Variants in VAMP4 observed in about 807,000 individuals in gnomAD.
VAMP4 encodes the protein vesicle-associated membrane protein 4.
Under a neutral mutation model 23.5 loss-of-function variants are expected in VAMP4, and 19 were observed. The ratio of observed to expected loss-of-function variants is 0.81; its 90% CI spans 0.56 to 1.19. VAMP4 has a LOEUF of 1.19. Ranked by LOEUF, VAMP4 falls within the 50% of genes most tolerant of loss-of-function variation. VAMP4 has a pLI of 0.00. For synonymous variants in VAMP4, 31 were observed against 51.0 expected (o/e 0.61, Z 1.67); for missense variants, 145 against 168.6 (o/e 0.86, Z 0.78).
At chr1:171,724,908 A>G (rs1367943649) in intron 3 of VAMP4, among the ~76,000 whole-genome samples, 7 of 152,210 alleles carry the variant, frequency 4.6e-5, no homozygotes, top group Non-Finnish European at 1.0e-4. Flanking sequence ...CCACACATAT[A>G]TAGTCAATAA....
intron 4 of VAMP4, among the ~76,000 whole-genome samples, chr1:171,713,971 T>C (rs1654945445): frequency 6.6e-6 from 1 of 152,202 alleles, no homozygotes; most frequent in African/African-American, 2.4e-5. Context: ...ACACATGTAA[T>C]AAATCACTAT....
intron 3 of VAMP4, among the ~76,000 whole-genome samples, chr1:171,721,923 C>G (rs1037671111): frequency 6.6e-6 from 1 of 152,048 alleles, no homozygotes; most frequent in African/African-American, 2.4e-5. Context: ...TCATATGGAA[C>G]CAAAAAAGAG....
At chr1:171,709,831 TTC>T in intron 5 of VAMP4, 87 bp from the exon 6 acceptor site, 1 of 1,091,968 alleles carries the variant, frequency 9.2e-7, no homozygotes, top group Admixed American at 1.8e-5. Flanking sequence ...AAATATTAAT[TTC>T]TACTTCTGCA....
intron 2 of VAMP4, among the ~76,000 whole-genome samples, chr1:171,733,180 G>A (rs577746055): frequency 9.9e-5 from 15 of 151,422 alleles, no homozygotes; most frequent in Admixed American, 6.6e-4. Context: ...GTTTATGGCC[G>A]GGCATGGTGG....
chr1:171,736,963 C>T (rs1210796454), intron 2 of VAMP4, among the ~76,000 whole-genome samples: 2 of 152,038 alleles, frequency 1.3e-5, no homozygotes, highest in Non-Finnish European at 2.9e-5. Flanking sequence ...AATGACAGAG[C>T]GAGACCCTGG....
At chr1:171,738,517 G>A (rs759140097) in intron 1 of VAMP4, 54 bp from the exon 2 acceptor site, 27 of 1,186,474 alleles carry the variant, frequency 2.3e-5, no homozygotes, top group Non-Finnish European at 3.2e-5. Flanking sequence ...ATAAGCTAAT[G>A]TACTTAAAAC....
chr1:171,705,923 A>G (rs1654634070), intron 7 of VAMP4, among the ~76,000 whole-genome samples: 1 of 152,156 alleles, frequency 6.6e-6, no homozygotes, highest in Non-Finnish European at 1.5e-5. Flanking sequence ...ACAAAAAAAA[A>G]TCATCTGGAG....
chr1:171,741,321 C>G (rs1655917664), intron 1 of VAMP4, among the ~76,000 whole-genome samples: 1 of 152,250 alleles, frequency 6.6e-6, no homozygotes, highest in Admixed American at 6.5e-5. Context: ...TGTCATCAGC[C>G]TTCTTGCTTG....
chr1:171,724,161 ATGTCCTT>A (rs1655288740), intron 3 of VAMP4, among the ~76,000 whole-genome samples: 2 of 152,256 alleles, frequency 1.3e-5, no homozygotes, highest in African/African-American at 4.8e-5. Context: ...GGATGAGTTC[ATGTCCTT>A]TGTAGGGACA....
intron 7 of VAMP4, among the ~76,000 whole-genome samples, chr1:171,705,726 A>ATGAT (rs1372047924): frequency 6.6e-6 from 1 of 152,178 alleles, no homozygotes; most frequent in Non-Finnish European, 1.5e-5. Flanking sequence ...AATTTTTCAA[A>ATGAT]TGATTATTTT....
intron 2 of VAMP4, 43 bp from the exon 3 acceptor site, chr1:171,728,613 G>T: frequency 1.3e-6 from 2 of 1,534,708 alleles, no homozygotes; most frequent in Admixed American, 2.2e-5. Context: ...GATTCAGAGG[G>T]CTTATAAAAT....
rs781156781 is a variant in VAMP4, at chr1:171,701,653, C to G, written c.*2853G>C. The G allele has an allele frequency of 3.9e-5, 6 of 152,130 alleles. No individual in the cohort carries two copies. Among genetic ancestry groups the G allele is most frequent in the Non-Finnish European group, 8.8e-5 (6 of 67,990 alleles). The allele number at this position is 152,130 out of a possible 1,614,324, so 9.4% of individuals were successfully genotyped here. On this transcript the variant is annotated 3_prime_UTR_variant, in exon 8 of 8. Coordinates refer to ENST00000236192, the MANE Select transcript of VAMP4 (RefSeq NM_003762.5). ...CTACAATAGGCAATCTATAGCAGGG[C>G]TAACAAAGTATTTCTATATCTCATG...
chr1:171,730,785 G>C (rs953590621), intron 2 of VAMP4, among the ~76,000 whole-genome samples: 7 of 151,974 alleles, frequency 4.6e-5, no homozygotes, highest in Non-Finnish European at 7.4e-5. Flanking sequence ...TCTAGCATAA[G>C]GGAAGGCATA....
chr1:171,728,069 T>C (rs1022363802), intron 3 of VAMP4, among the ~76,000 whole-genome samples: 15 of 152,202 alleles, frequency 9.9e-5, no homozygotes, highest in Non-Finnish European at 1.8e-4. Flanking sequence ...CAGTTACCCA[T>C]GGTCAACTGC....
chr1:171,735,895 TTTTC>T (rs1242658057), intron 2 of VAMP4, among the ~76,000 whole-genome samples: 3 of 152,168 alleles, frequency 2.0e-5, no homozygotes, highest in Non-Finnish European at 4.4e-5. Context: ...CATGCTTTTT[TTTTC>T]TTTCTGAGAT....
At chr1:171,733,032 C>G (rs1655611588) in intron 2 of VAMP4, among the ~76,000 whole-genome samples, 2 of 151,896 alleles carry the variant, frequency 1.3e-5, no homozygotes, top group South Asian at 4.2e-4. Flanking sequence ...AAGAAATGGC[C>G]AATGACCACA....
intron 4 of VAMP4, among the ~76,000 whole-genome samples, chr1:171,716,431 T>A (rs6673782): frequency 7.9e-5 from 12 of 151,988 alleles, no homozygotes; most frequent in Non-Finnish European, 1.6e-4. Flanking sequence ...ATAATTTATG[T>A]TTGAACAAAC....
At chr1:171,739,963 AC>A (rs780405997) in intron 1 of VAMP4, among the ~76,000 whole-genome samples, 12 of 152,232 alleles carry the variant, frequency 7.9e-5, no homozygotes, top group Non-Finnish European at 1.5e-4. Flanking sequence ...AGTATTTTTG[AC>A]TAGATGGTAG....
intron 1 of VAMP4, among the ~76,000 whole-genome samples, chr1:171,739,683 G>T (rs907357892): frequency 6.6e-6 from 1 of 152,172 alleles, no homozygotes; most frequent in Non-Finnish European, 1.5e-5. Context: ...TGAATTAGAG[G>T]ACACCCAGCT....
Sources: allele counts gnomAD v4.1 joint callset (sites outside exome capture counted in the v4.1 genomes callset), GRCh38; gene constraint gnomAD v4.1.1; transcripts MANE v1.5; gene names NCBI Gene and HGNC (gene_info 2026-07-23, HGNC 2026-07-21).